PPP3CA: variants seen among roughly 807,000 people sequenced by gnomAD.
PPP3CA encodes protein phosphatase 3 catalytic subunit alpha.
PPP3CA carries 14 observed loss-of-function variants against 66.5 expected under a neutral mutation model. The observed-to-expected ratio is 0.21, with a 90% CI of 0.14 to 0.33. The LOEUF is 0.33. PPP3CA is among the 10% of genes least tolerant of loss of function. The probability of loss-of-function intolerance (pLI) is 1.00; values close to 1 mark genes in which losing one functional copy is unlikely to be tolerated. For synonymous variants in PPP3CA, 232 were observed against 226.2 expected, an observed-to-expected ratio of 1.03 and a Z score of -0.23; for missense variants, 317 against 639.5, an observed-to-expected ratio of 0.50 and a Z score of 5.44.
chr4:101,302,568 T>A (rs939653674), intron 1 of PPP3CA, among the ~76,000 whole-genome samples: 2 of 152,216 alleles, frequency 1.3e-5, no homozygotes, highest in African/African-American at 2.4e-5. Context: ...TTCACTCTTG[T>A]TGCCCAGGCT....
intron 2 of PPP3CA, among the ~76,000 whole-genome samples, chr4:101,147,202 G>A (rs1446714660): frequency 1.3e-5 from 2 of 152,148 alleles, no homozygotes; most frequent in African/African-American, 4.8e-5. Context: ...GTCAAAAATT[G>A]ATAAAATGAT....
intron 8 of PPP3CA, among the ~76,000 whole-genome samples, chr4:101,070,137 G>A (rs1466245662): frequency 6.6e-6 from 1 of 152,038 alleles, no homozygotes; most frequent in Non-Finnish European, 1.5e-5. Flanking sequence ...AAAGTAAGTG[G>A]GAAGAAGACA....
intron 10 of PPP3CA, 128 bp from the exon 11 acceptor site, chr4:101,040,694 A>T: frequency 3.0e-6 from 2 of 656,826 alleles, no homozygotes; most frequent in Non-Finnish European, 4.8e-6. Flanking sequence ...CCTTAAGAGG[A>T]TTTATCTGTA....
chr4:101,031,281 C>T (rs1726943929), intron 12 of PPP3CA, among the ~76,000 whole-genome samples: 1 of 151,784 alleles, frequency 6.6e-6, no homozygotes, highest in Non-Finnish European at 1.5e-5. Flanking sequence ...AAAAAAGATT[C>T]AAAGAAAGAT....
chr4:101,133,666 G>A (rs1722522391), intron 2 of PPP3CA, among the ~76,000 whole-genome samples: 1 of 152,018 alleles, frequency 6.6e-6, no homozygotes, highest in Non-Finnish European at 1.5e-5. Flanking sequence ...TGGCCATACT[G>A]CTCAAAGTAA....
chr4:101,326,072 G>T (rs1394817292), intron 1 of PPP3CA, among the ~76,000 whole-genome samples: 1 of 152,114 alleles, frequency 6.6e-6, no homozygotes, highest in African/African-American at 2.4e-5. Context: ...GGAGGCAGAG[G>T]TTGCAGTGAG....
intron 1 of PPP3CA, among the ~76,000 whole-genome samples, chr4:101,335,700 T>C (rs1729608947): frequency 1.3e-5 from 2 of 152,080 alleles, no homozygotes; most frequent in South Asian, 2.1e-4. Context: ...TATCTCGGGA[T>C]GCTAAACTGG....
chr4:101,072,307 A>G (rs1168375264), intron 8 of PPP3CA, among the ~76,000 whole-genome samples: 1 of 152,208 alleles, frequency 6.6e-6, no homozygotes, highest in Middle Eastern at 3.2e-3. Context: ...ACATAATGGA[A>G]CCATGAGGTG....
chr4:101,273,867 G>C (rs1011464632), intron 1 of PPP3CA, among the ~76,000 whole-genome samples: 6 of 151,596 alleles, frequency 4.0e-5, no homozygotes, highest in Non-Finnish European at 8.8e-5. Context: ...GATGAAATAA[G>C]AAAACATCTT....
At chr4:101,336,155 C>T (rs1729627389) in intron 1 of PPP3CA, among the ~76,000 whole-genome samples, 1 of 151,124 alleles carries the variant, frequency 6.6e-6, no homozygotes, top group Non-Finnish European at 1.5e-5. Flanking sequence ...GCGGAGCTTG[C>T]AATGAGCCAA....
intron 6 of PPP3CA, among the ~76,000 whole-genome samples, chr4:101,088,377 A>AGATG (rs1277662313): frequency 7.9e-5 from 12 of 151,988 alleles, no homozygotes; most frequent in Non-Finnish European, 1.5e-4. Context: ...CGAGGTCAGG[A>AGATG]GATGGAGACC....
At chr4:101,160,631 T>C (rs1723473929) in intron 2 of PPP3CA, among the ~76,000 whole-genome samples, 1 of 152,038 alleles carries the variant, frequency 6.6e-6, no homozygotes, top group Admixed American at 6.6e-5. Context: ...AGAATAAGCA[T>C]ATCCACCCTC....
intron 2 of PPP3CA, among the ~76,000 whole-genome samples, chr4:101,154,302 A>G (rs1450021599): frequency 6.6e-6 from 1 of 152,254 alleles, no homozygotes; most frequent in Non-Finnish European, 1.5e-5. Flanking sequence ...TGAATAAAAA[A>G]GAGAAACATT....
At chr4:101,040,668 ATT>A (rs139637703) in intron 10 of PPP3CA, 102 bp from the exon 11 acceptor site, 7,639 of 715,628 alleles carry the variant, frequency 0.011, 79 homozygotes, top group South Asian at 0.043. Context: ...CAAAATCAGT[ATT>A]TTTTTTTTTT....
chr4:101,059,791 T>C (rs1318227689), intron 10 of PPP3CA, among the ~76,000 whole-genome samples: 2 of 152,134 alleles, frequency 1.3e-5, no homozygotes, highest in African/African-American at 4.8e-5. Flanking sequence ...AGTTTATGCA[T>C]CAGTCTCTCC....
At chr4:101,211,786 G>C (rs1448762224) in intron 1 of PPP3CA, among the ~76,000 whole-genome samples, 2 of 152,136 alleles carry the variant, frequency 1.3e-5, no homozygotes, top group Non-Finnish European at 2.9e-5. Flanking sequence ...TAAAAAGCAT[G>C]TTAGTTAACC....
At chr4:101,080,221 C>T (rs1226880721) in intron 8 of PPP3CA, among the ~76,000 whole-genome samples, 1 of 152,052 alleles carries the variant, frequency 6.6e-6, no homozygotes, top group African/African-American at 2.4e-5. Flanking sequence ...TTTTAAGAAG[C>T]ATGATTTTGG....
At chr4:101,228,621 G>A (rs1004812816) in intron 1 of PPP3CA, among the ~76,000 whole-genome samples, 1 of 151,378 alleles carries the variant, frequency 6.6e-6, no homozygotes. Flanking sequence ...ATAAAAAAGG[G>A]GCTTTTCTTT....
chr4:101,230,455 G>A (rs1273457392), intron 1 of PPP3CA, among the ~76,000 whole-genome samples: 1 of 151,590 alleles, frequency 6.6e-6, no homozygotes, highest in Non-Finnish European at 1.5e-5. Context: ...TGAATCTACA[G>A]CTGCAGCGAG....
Sources: allele counts gnomAD v4.1 joint callset (sites outside exome capture counted in the v4.1 genomes callset), GRCh38; gene constraint gnomAD v4.1.1; transcripts MANE v1.5; gene names NCBI Gene and HGNC (gene_info 2026-07-23, HGNC 2026-07-21).